Variants in MAP3K7 observed in about 807,000 individuals in gnomAD.
MAP3K7 encodes the protein TGF-beta activated kinase 1.
A neutral mutation model predicts 84.8 loss-of-function variants in MAP3K7; 21 were observed. The observed-to-expected ratio is 0.25, with a 90% CI of 0.18 to 0.36. The LOEUF (loss-of-function observed/expected upper bound fraction) is 0.36, where lower values mean the gene tolerates loss of function less well. MAP3K7 is among the 10% of genes least tolerant of loss of function. The probability of loss-of-function intolerance (pLI) is 1.00; values close to 1 mark genes in which losing one functional copy is unlikely to be tolerated. For missense variants in MAP3K7, 503 were observed against 747.7 expected, an observed-to-expected ratio of 0.67 and a Z score of 3.82; for synonymous variants, 241 against 247.7, an observed-to-expected ratio of 0.97 and a Z score of 0.25.
At chr6:90,566,361 A>T (rs1404112261) in intron 3 of MAP3K7, among the ~76,000 whole-genome samples, 1 of 152,242 alleles carries the variant, frequency 6.6e-6, no homozygotes, top group East Asian at 1.9e-4. Flanking sequence ...AACTTCAGCA[A>T]AGTCTCAGGA....
intron 12 of MAP3K7, chr6:90,536,631 C>T (rs534464673): frequency 2.0e-6 from 1 of 498,298 alleles, no homozygotes; most frequent in African/African-American, 2.0e-5. Context: ...TGGCCTACAA[C>T]AGAGTATGTC....
chr6:90,577,912 G>A (rs1424195649), intron 1 of MAP3K7, among the ~76,000 whole-genome samples: 1 of 152,170 alleles, frequency 6.6e-6, no homozygotes, highest in Non-Finnish European at 1.5e-5. Flanking sequence ...ATATTTCAGT[G>A]GAAGCCATCA....
intron 3 of MAP3K7, among the ~76,000 whole-genome samples, chr6:90,565,105 A>C (rs900608039): frequency 2.0e-5 from 3 of 152,218 alleles, no homozygotes; most frequent in South Asian, 2.1e-4. Flanking sequence ...AAGAGAAAGC[A>C]GGAAAGATCT....
At chr6:90,571,578 T>G in intron 2 of MAP3K7, 119 bp downstream of exon 2, 1 of 506,446 alleles carries the variant, frequency 2.0e-6, no homozygotes, top group Non-Finnish European at 3.4e-6. Context: ...TTAAACCGAA[T>G]TGCTGATGTT....
intron 12 of MAP3K7, among the ~76,000 whole-genome samples, chr6:90,539,290 A>G (rs1775778973): frequency 6.6e-6 from 1 of 151,956 alleles, no homozygotes; most frequent in East Asian, 1.9e-4. Flanking sequence ...TGATCTTGGT[A>G]GACTATACAA....
At chr6:90,586,394 AAAAAAAG>A (rs962992429) in intron 1 of MAP3K7, among the ~76,000 whole-genome samples, 2 of 151,180 alleles carry the variant, frequency 1.3e-5, no homozygotes, top group Non-Finnish European at 2.9e-5. Context: ...AAAAAAAAAA[AAAAAAAG>A]AACATTACGT....
chr6:90,575,393 C>T (rs1273468512), intron 1 of MAP3K7, among the ~76,000 whole-genome samples: 1 of 152,144 alleles, frequency 6.6e-6, no homozygotes, highest in Non-Finnish European at 1.5e-5. Flanking sequence ...AAGACTCATA[C>T]CCTTCTCTTC....
rs1776813679 is a variant in MAP3K7, at chr6:90,569,084, A to T, written c.232-461T>A. ...TACTCTGCGTGGGGCCCTAATGTGC[A>T]CTTTATAGATATTGTATAATTATCA... On this transcript the variant is annotated intron_variant, in intron 2 of 16. Transcript: ENST00000369329. Among the ~76,000 whole-genome samples, 4 of 152,156 alleles carry T rather than the reference A, an allele frequency of 2.6e-5. No individual in the cohort carries two copies. The South Asian group carries it at 8.3e-4, about 31-fold the overall frequency.
intron 13 of MAP3K7, among the ~76,000 whole-genome samples, 175 bp from the exon 14 acceptor site, chr6:90,523,958 T>C (rs929963749): frequency 6.6e-6 from 1 of 152,184 alleles, no homozygotes. Flanking sequence ...TCACGCATGA[T>C]ACCTATTAAA....
intron 1 of MAP3K7, among the ~76,000 whole-genome samples, chr6:90,575,985 C>T (rs985236812): frequency 6.6e-6 from 1 of 151,644 alleles, no homozygotes; most frequent in Admixed American, 6.6e-5. Context: ...AAAAGAAAAT[C>T]GATATACAAA....
At chr6:90,557,820 TA>T (rs754522437) in intron 5 of MAP3K7, among the ~76,000 whole-genome samples, 5 of 152,220 alleles carry the variant, frequency 3.3e-5, no homozygotes, top group Admixed American at 1.3e-4. Context: ...ATTATCTTTG[TA>T]GGCTTACTTT....
intron 13 of MAP3K7, among the ~76,000 whole-genome samples, chr6:90,530,870 T>C (rs1489745287): frequency 6.6e-6 from 1 of 152,184 alleles, no homozygotes; most frequent in Non-Finnish European, 1.5e-5. Context: ...GTTTTTACAG[T>C]ACTTATTTTT....
chr6:90,556,027 G>A lies in MAP3K7; in HGVS notation c.607+473C>T, dbSNP rs35996716. ...AATCACAAAAATGAAAAAGGGCTCT[G>A]AACAGCACAAAAAAGGACACCTGCT... On this transcript the variant is annotated intron_variant, in intron 6 of 16. Coordinates refer to ENST00000369329, the MANE Select transcript of MAP3K7 (RefSeq NM_145331.3). 4.7e-3 allele frequency among the ~76,000 whole-genome samples: 716 copies of A among 152,288 alleles called. 7 individuals are homozygous for A. Among genetic ancestry groups the A allele is most frequent in the African/African-American group, 0.016 (677 of 41,558 alleles).
intron 13 of MAP3K7, among the ~76,000 whole-genome samples, chr6:90,528,934 G>A (rs1181590798): frequency 6.6e-6 from 1 of 152,030 alleles, no homozygotes; most frequent in Non-Finnish European, 1.5e-5. Context: ...CTCCATATAA[G>A]ATTGCTCATT....
chr6:90,516,591 T>G lies in MAP3K7; in HGVS notation c.1731A>C (p.Glu577Asp). The change falls in exon 17 of 17, where the codon GAA becomes GAC. Residue 577 changes from glutamate (E) to aspartate (D), a missense_variant. By Grantham distance (45) the Glu-to-Asp change is conservative. This residue lies in a region of MAP3K7 where 43 missense variants were observed against 47.3 expected (regional missense o/e 0.91). Coordinates refer to ENST00000369329, the MANE Select transcript of MAP3K7 (RefSeq NM_145331.3). ...LVQEHKKLLD[E>D]NKSLSTYYQQ... Reference sequence around the variant, plus strand: ...GGTAGTAAGTAGAAAGGCTTTTGTTTTCATCTAAAAGCTTTTTATGTTCCT... The same window carrying G: ...GGTAGTAAGTAGAAAGGCTTTTGTTGTCATCTAAAAGCTTTTTATGTTCCT... The G allele has an allele frequency of 6.2e-7, 1 of 1,612,772 alleles. No individual in the cohort carries two copies. Among genetic ancestry groups the G allele is most frequent in the Non-Finnish European group, 8.5e-7 (1 of 1,179,164 alleles).
Position 90,561,682 on chromosome 6 carries a change from T to C in MAP3K7, c.298-15A>G, listed in dbSNP as rs780242583. 45 of 1,602,112 alleles carry C rather than the reference T, an allele frequency of 2.8e-5. No individual in the cohort carries two copies. The highest frequency in any genetic ancestry group is 3.7e-5 in the Non-Finnish European group (43 of 1,169,754). On this transcript the variant is annotated splice_polypyrimidine_tract_variant and intron_variant, in intron 3 of 16. Transcript: ENST00000369329. Reference sequence around the variant, plus strand: ...ACAAGACACACCTAAAGGAAACATATATCAGAAGCATTAACCAAGAAGCTC... The same window carrying C: ...ACAAGACACACCTAAAGGAAACATACATCAGAAGCATTAACCAAGAAGCTC...
At chr6:90,573,154 C>T (rs1776960865) in intron 1 of MAP3K7, among the ~76,000 whole-genome samples, 1 of 152,134 alleles carries the variant, frequency 6.6e-6, no homozygotes, top group Admixed American at 6.5e-5. Context: ...TTGCCCAAGG[C>T]TATATAGCTA....
At chr6:90,542,283 A>G (rs1452185392) in intron 12 of MAP3K7, 1 of 983,802 alleles carries the variant, frequency 1.0e-6, no homozygotes, top group African/African-American at 1.7e-5. Context: ...TTTTATGTCC[A>G]CTAGTGTCAA....
intron 1 of MAP3K7, among the ~76,000 whole-genome samples, chr6:90,579,988 T>C (rs368376390): frequency 6.6e-6 from 1 of 152,188 alleles, no homozygotes; most frequent in African/African-American, 2.4e-5. Context: ...CTGGGGAAAA[T>C]CTTACATGTG....
Sources: allele counts gnomAD v4.1 joint callset (sites outside exome capture counted in the v4.1 genomes callset), GRCh38; gene constraint gnomAD v4.1.1; regional missense constraint gnomAD v4.1.1; transcripts MANE v1.5; gene names NCBI Gene and HGNC (gene_info 2026-07-23, HGNC 2026-07-21).